The following UGGT2 variants were observed in gnomAD, a reference collection of about 807,000 sequenced individuals.
The protein encoded by UGGT2 is UDP-glucose glycoprotein glucosyltransferase 2.
In UGGT2, 180 loss-of-function variants were observed where a neutral mutation model predicts 192.1. The observed-to-expected ratio is 0.94, with a 90% CI of 0.83 to 1.06. The LOEUF is 1.06. UGGT2 is among the 50% of genes least tolerant of loss of function. The pLI is 0.00. For synonymous variants in UGGT2, 580 were observed against 591.0 expected (o/e 0.98, Z 0.27); for missense variants, 1,849 against 1,795.7 (o/e 1.03, Z -0.54).
intron 27 of UGGT2, among the ~76,000 whole-genome samples, chr13:95,879,493 T>C (rs2047431251): frequency 6.6e-6 from 1 of 152,222 alleles, no homozygotes; most frequent in Non-Finnish European, 1.5e-5. Flanking sequence ...TGGAGTACAG[T>C]GGCACGATCT....
intron 17 of UGGT2, among the ~76,000 whole-genome samples, chr13:95,931,581 G>A (rs998455757): frequency 2.1e-4 from 32 of 152,184 alleles, no homozygotes; most frequent in Middle Eastern, 3.4e-3. Flanking sequence ...GCTCAGGCAT[G>A]GCGGGCTGCG....
At chr13:95,908,798 G>GT (rs1594294438) in intron 20 of UGGT2, among the ~76,000 whole-genome samples, 1 of 129,348 alleles carries the variant, frequency 7.7e-6, no homozygotes, top group Non-Finnish European at 1.6e-5. Context: ...GGGGTTGTTT[G>GT]TTTTTTTCTT....
At chr13:95,816,425 A>G (rs1298405434) in intron 38 of UGGT2, among the ~76,000 whole-genome samples, 1 of 152,188 alleles carries the variant, frequency 6.6e-6, no homozygotes, top group African/African-American at 2.4e-5. Context: ...CTAGGTATTT[A>G]CAGAAGAGAA....
rs143969109 is a variant in UGGT2 at position 95,827,705 on chromosome 13, G to A, written c.4528+5222C>T. Among the ~76,000 whole-genome samples the A allele has an allele frequency of 7.3e-3, 1,112 of 152,128 alleles. 19 individuals carry two copies. The highest frequency in any genetic ancestry group is 0.026 in the African/African-American group (1,075 of 41,518). On this transcript the variant is annotated intron_variant, in intron 38 of 38. Coordinates refer to ENST00000376747, the MANE Select transcript of UGGT2 (RefSeq NM_020121.4). Reference sequence around the variant, plus strand: ...CCTTATAGAGTTAAACAAGAATTCTGGACAGAAGTATGGTTAACTATTAGT... The same window carrying A: ...CCTTATAGAGTTAAACAAGAATTCTAGACAGAAGTATGGTTAACTATTAGT...
rs117899110 is a variant in UGGT2, at chr13:95,869,755, G to C, written c.3474-2332C>G. On this transcript the variant is annotated intron_variant, in intron 29 of 38. Transcript: ENST00000376747. ...TTAAATGAAGGGAACAAGCTAAGCA[G>C]TCAGAGGAAATGGACTTCATTGATA... Among the ~76,000 whole-genome samples the C allele has an allele frequency of 5.3e-3, 808 of 152,292 alleles. 12 individuals are homozygous for C. Among genetic ancestry groups the C allele is most frequent in the East Asian group, 0.045 (233 of 5,178 alleles).
chr13:95,834,407 A>G (rs1478666613), intron 37 of UGGT2, among the ~76,000 whole-genome samples: 3 of 152,104 alleles, frequency 2.0e-5, no homozygotes, highest in African/African-American at 7.2e-5. Flanking sequence ...CTGAATACCC[A>G]ACAATGCACA....
chr13:95,881,035 G>A lies in UGGT2; in HGVS notation c.3229-3179C>T, dbSNP rs560778078. Among the ~76,000 whole-genome samples the A allele has an allele frequency of 1.1e-4, 16 of 152,234 alleles. No homozygotes were observed. In the East Asian group the frequency reaches 1.9e-3, roughly 18 times the overall value. On this transcript the variant is annotated intron_variant, in intron 27 of 38. Transcript: ENST00000376747. ...TAAAAATACAAAGAATCAGCCGGGC[G>A]TGGCAGCGGGCGCCTGCAGTCCTAG...
intron 17 of UGGT2, among the ~76,000 whole-genome samples, chr13:95,929,405 T>C (rs1311417619): frequency 1.3e-5 from 2 of 152,200 alleles, no homozygotes; most frequent in Non-Finnish European, 2.9e-5. Context: ...CCCAGGTAGT[T>C]AGCATAGTAC....
chr13:96,041,811 A>C (rs996389692), intron 1 of UGGT2, among the ~76,000 whole-genome samples: 1 of 152,104 alleles, frequency 6.6e-6, no homozygotes, highest in Admixed American at 6.5e-5. Context: ...CCTCCTGGGA[A>C]TATAACTCCA....
At chr13:95,895,417 T>C in intron 22 of UGGT2, 113 bp from the exon 23 acceptor site, 1 of 646,752 alleles carries the variant, frequency 1.5e-6, no homozygotes, top group Non-Finnish European at 2.3e-6. Context: ...AATTAGAGAT[T>C]AAAGATATGG....
At chr13:95,889,103 T>C (rs765459131) in intron 25 of UGGT2, among the ~76,000 whole-genome samples, 8 of 152,188 alleles carry the variant, frequency 5.3e-5, no homozygotes, top group Non-Finnish European at 1.0e-4. Context: ...AATTCTACTT[T>C]TATATAAAAA....
chr13:96,018,135 G>A (rs1384913513), intron 4 of UGGT2, among the ~76,000 whole-genome samples: 1 of 152,150 alleles, frequency 6.6e-6, no homozygotes, highest in Non-Finnish European at 1.5e-5. Context: ...ATAGTAAACT[G>A]ATTCTTCATC....
intron 38 of UGGT2, among the ~76,000 whole-genome samples, chr13:95,814,111 G>C (rs1884704057): frequency 6.6e-6 from 1 of 152,246 alleles, no homozygotes; most frequent in African/African-American, 2.4e-5. Context: ...TACTAGGGAA[G>C]TATGGAGTGA....
chr13:95,922,937 CTG>C (rs1415878088), intron 20 of UGGT2, among the ~76,000 whole-genome samples: 1 of 152,204 alleles, frequency 6.6e-6, no homozygotes, highest in Non-Finnish European at 1.5e-5. Flanking sequence ...ACTTTCAACA[CTG>C]TGATGTGACA....
At chr13:95,896,955 C>T (rs2047964129) in intron 22 of UGGT2, among the ~76,000 whole-genome samples, 1 of 152,052 alleles carries the variant, frequency 6.6e-6, no homozygotes, top group Non-Finnish European at 1.5e-5. Flanking sequence ...AGATTTTCAT[C>T]CACATACTGA....
chr13:95,959,114 A>G (rs1375903238), intron 12 of UGGT2, among the ~76,000 whole-genome samples: 3 of 152,190 alleles, frequency 2.0e-5, no homozygotes, highest in South Asian at 2.1e-4. Flanking sequence ...CCGCATCTCC[A>G]TATCTCTGGG....
At chr13:95,967,776 A>C (rs2050636030) in intron 12 of UGGT2, among the ~76,000 whole-genome samples, 1 of 152,298 alleles carries the variant, frequency 6.6e-6, no homozygotes. Flanking sequence ...CTGGCCAGGC[A>C]TAACTTTTTA....
intron 5 of UGGT2, among the ~76,000 whole-genome samples, chr13:96,000,792 T>A (rs914792032): frequency 6.6e-6 from 1 of 152,178 alleles, no homozygotes; most frequent in Non-Finnish European, 1.5e-5. Context: ...TGTGTTGATA[T>A]AAAATTTGAA....
At chr13:96,032,136 C>G (rs2052855591) in intron 1 of UGGT2, among the ~76,000 whole-genome samples, 165 bp from the exon 2 acceptor site, 1 of 152,044 alleles carries the variant, frequency 6.6e-6, no homozygotes. Flanking sequence ...GAAAAAAACA[C>G]ACTGACTATT....
Sources: gnomAD v4.1 joint callset for allele counts (sites outside exome capture counted in the v4.1 genomes callset) on GRCh38, gnomAD v4.1.1 for gene constraint, MANE v1.5 for transcripts, NCBI Gene and HGNC (gene_info 2026-07-23, HGNC 2026-07-21) for gene names.